The following MPPED1 variants were observed in gnomAD, a reference collection of about 807,000 sequenced individuals.
MPPED1 encodes the protein metallophosphoesterase domain-containing protein 1.
MPPED1 carries 16 observed loss-of-function variants against 36.2 expected under a neutral mutation model. The observed-to-expected ratio is 0.44, with a 90% CI of 0.30 to 0.67. MPPED1 has a LOEUF of 0.67. Ranked by LOEUF, MPPED1 falls within the 30% of genes least tolerant of loss-of-function variation. The probability of loss-of-function intolerance (pLI) is 0.10; values close to 1 mark genes in which losing one functional copy is unlikely to be tolerated. For synonymous variants in MPPED1, 199 were observed against 191.3 expected (o/e 1.04, Z -0.33); for missense variants, 307 against 453.4 (o/e 0.68, Z 2.93).
At chr22:43,485,568 C>G (rs28517465) in intron 4 of MPPED1, among the ~76,000 whole-genome samples, 1 of 151,940 alleles carries the variant, frequency 6.6e-6, no homozygotes, top group Non-Finnish European at 1.5e-5. Context: ...GACACCGCCA[C>G]GATTTCTCTT....
chr22:43,500,272 A>AGGTGGCGGTGGTGAT (rs1555904935), intron 5 of MPPED1, among the ~76,000 whole-genome samples: 18 of 8,254 alleles, frequency 2.2e-3, no homozygotes, highest in South Asian at 0.018. Flanking sequence ...ATGGTGATGG[A>AGGTGGCGGTGGTGAT]GGTGGCGGTG....
At position 43,479,502 on chromosome 22, in the gene MPPED1, T is replaced by A. The variant is rs1931682868; in HGVS notation, c.632+4541T>A. 2.0e-5 allele frequency among the ~76,000 whole-genome samples: 3 copies of A among 152,038 alleles called. No homozygotes were observed. In the South Asian group the frequency reaches 6.2e-4, roughly 32 times the overall value. On this transcript the variant is annotated intron_variant, in intron 4 of 6. Coordinates refer to ENST00000443721, the MANE Select transcript of MPPED1 (RefSeq NM_001044370.2). ...GGCAGTCTCACCAGTGAGGGAAGAC[T>A]CCCCCATAGGCAGGCGCCCAGGGGA...
chr22:43,429,009 G>T (rs1929581316), intron 2 of MPPED1, among the ~76,000 whole-genome samples: 1 of 152,150 alleles, frequency 6.6e-6, no homozygotes, highest in African/African-American at 2.4e-5. Flanking sequence ...ACCTTTAAAA[G>T]TCGTTATGGC....
intron 3 of MPPED1, among the ~76,000 whole-genome samples, chr22:43,457,748 G>A (rs1277159939): frequency 1.3e-5 from 2 of 151,964 alleles, no homozygotes; most frequent in African/African-American, 2.4e-5. Flanking sequence ...TTGATTAATA[G>A]CAACCTAATT....
chr22:43,430,100 G>A (rs1407784288), intron 2 of MPPED1, among the ~76,000 whole-genome samples: 1 of 152,134 alleles, frequency 6.6e-6, no homozygotes, highest in East Asian at 1.9e-4. Flanking sequence ...GAAGGGACTA[G>A]AGGTCCTTTC....
chr22:43,497,041 G>A (rs867814438), intron 4 of MPPED1, among the ~76,000 whole-genome samples: 142 of 146,572 alleles, frequency 9.7e-4, no homozygotes, highest in African/African-American at 3.4e-3. Flanking sequence ...TGGTGGTGGA[G>A]GTAGTGGTGG....
intron 3 of MPPED1, among the ~76,000 whole-genome samples, chr22:43,473,847 G>A (rs1342703013): frequency 6.6e-6 from 1 of 152,206 alleles, no homozygotes; most frequent in Non-Finnish European, 1.5e-5. Context: ...GGGTGACAGT[G>A]CACACTCCTG....
intron 1 of MPPED1, among the ~76,000 whole-genome samples, chr22:43,419,693 A>G (rs1352473118): frequency 7.0e-6 from 1 of 142,074 alleles, no homozygotes; most frequent in Non-Finnish European, 1.5e-5. Flanking sequence ...TGGTGTGACC[A>G]TGGTGATGGG....
chr22:43,476,960 G>A (rs1210009967), intron 4 of MPPED1, among the ~76,000 whole-genome samples: 1 of 152,152 alleles, frequency 6.6e-6, no homozygotes, highest in African/African-American at 2.4e-5. Context: ...CCAGCCAGGT[G>A]CACACACACA....
At chr22:43,438,269 G>C (rs891054122) in intron 3 of MPPED1, among the ~76,000 whole-genome samples, 4 of 152,208 alleles carry the variant, frequency 2.6e-5, no homozygotes, top group African/African-American at 9.6e-5. Flanking sequence ...CCTCCCTGAG[G>C]AGGGGATGTT....
At position 43,425,349 on chromosome 22, in the gene MPPED1, G is replaced by A. The variant is rs914314891; in HGVS notation, c.224+140G>A. 3.5e-5 allele frequency: 49 copies of A among 1,385,832 alleles called. No homozygotes were observed. In the Admixed American group the frequency reaches 1.3e-3, roughly 36 times the overall value. 85.8% of individuals were successfully genotyped at this position (1,385,832 alleles called of 1,614,324 possible). ...GACTGCAACAATTCTGGAATTCTAGGATCATCGGGGCTCTGAGTTGGGAGG... is the reference window on the plus strand; with the variant it reads ...GACTGCAACAATTCTGGAATTCTAGAATCATCGGGGCTCTGAGTTGGGAGG... On this transcript the variant is annotated intron_variant, in intron 2 of 6. Transcript: ENST00000443721.
intron 3 of MPPED1, among the ~76,000 whole-genome samples, chr22:43,463,305 C>G (rs1024587191): frequency 4.0e-5 from 6 of 150,190 alleles, no homozygotes; most frequent in Non-Finnish European, 7.4e-5. Context: ...ACTTGTAGTA[C>G]TCAGATGTTG....
chr22:43,484,104 A>G (rs1393930790), intron 4 of MPPED1, among the ~76,000 whole-genome samples: 1 of 152,258 alleles, frequency 6.6e-6, no homozygotes, highest in East Asian at 1.9e-4. Flanking sequence ...CACCTGGTGC[A>G]GTGCTGCTTG....
At chr22:43,476,209 TC>T (rs1931572353) in intron 4 of MPPED1, among the ~76,000 whole-genome samples, 1 of 152,174 alleles carries the variant, frequency 6.6e-6, no homozygotes, top group African/African-American at 2.4e-5. Context: ...TGATTTATTA[TC>T]CCTATTCTAT....
intron 4 of MPPED1, among the ~76,000 whole-genome samples, chr22:43,489,512 T>C (rs1932017982): frequency 6.6e-6 from 1 of 150,678 alleles, no homozygotes; most frequent in Non-Finnish European, 1.5e-5. Flanking sequence ...TGACTCCTCC[T>C]GTCCCCTGAC....
At chr22:43,461,417 T>G (rs1227580394) in intron 3 of MPPED1, among the ~76,000 whole-genome samples, 1 of 152,216 alleles carries the variant, frequency 6.6e-6, no homozygotes, top group African/African-American at 2.4e-5. Flanking sequence ...TCAGCTATTT[T>G]TCTTGCATCT....
rs1331238586 is a variant in MPPED1 at position 43,425,074 on chromosome 22, C to T, written c.89C>T (p.Ser30Phe). ...GGCCTGGGCATGGCATTCTCCCAGT[C>T]CCACGTGATGGCCGCTCGGCGGCAC... ...PCGLGMAFSQ[S>F]HVMAARRHQH... is the part of the protein sequence containing the mutation. The change falls in exon 2 of 7, where the codon TCC becomes TTC. Residue 30 changes from serine to phenylalanine, a missense_variant. Physicochemically the swap from Ser to Phe is radical, Grantham distance 155. Coordinates refer to ENST00000443721, the MANE Select transcript of MPPED1 (RefSeq NM_001044370.2). 2 of 1,613,548 alleles carry T rather than the reference C, an allele frequency of 1.2e-6. No individual in the cohort carries two copies. Among genetic ancestry groups the T allele is most frequent in the Non-Finnish European group, 1.7e-6 (2 of 1,179,872 alleles).
intron 3 of MPPED1, among the ~76,000 whole-genome samples, chr22:43,446,731 G>T (rs1305043882): frequency 6.6e-6 from 1 of 152,222 alleles, no homozygotes; most frequent in Non-Finnish European, 1.5e-5. Flanking sequence ...AGGCCTTCCA[G>T]CTCAAGGGTT....
At chr22:43,492,900 CT>C (rs1027400805) in intron 4 of MPPED1, among the ~76,000 whole-genome samples, 17 of 152,270 alleles carry the variant, frequency 1.1e-4, no homozygotes, top group African/African-American at 4.1e-4. Flanking sequence ...TCGGTTTCAG[CT>C]TTGGCATTTT....
Sources: allele counts gnomAD v4.1 joint callset (sites outside exome capture counted in the v4.1 genomes callset), GRCh38; gene constraint gnomAD v4.1.1; transcripts MANE v1.5; gene names NCBI Gene and HGNC (gene_info 2026-07-23, HGNC 2026-07-21).